Variants in METAP1 observed in about 807,000 individuals in gnomAD.
METAP1 encodes methionine aminopeptidase 1.
METAP1 carries 28 observed loss-of-function variants against 53.8 expected under a neutral mutation model. That is an observed-to-expected ratio of 0.52 (90% CI 0.39 to 0.71). METAP1 has a LOEUF of 0.71. Ranked by LOEUF, METAP1 falls within the 30% of genes least tolerant of loss-of-function variation. METAP1 has a pLI of 0.00. For missense variants in METAP1, 389 were observed against 479.8 expected (o/e 0.81, Z 1.77); for synonymous variants, 181 against 165.7 (o/e 1.09, Z -0.71).
At chr4:99,041,235 A>C (rs2080474738) in intron 6 of METAP1, 109 bp downstream of exon 6, 3 of 643,570 alleles carry the variant, frequency 4.7e-6, no homozygotes, top group Middle Eastern at 4.3e-4. Context: ...ACTTGGGTAA[A>C]CTCATTTGAA....
chr4:99,061,489 A>G lies in METAP1; in HGVS notation c.*172A>G. The G allele has an allele frequency of 5.8e-6, 3 of 520,124 alleles. No individual in the cohort carries two copies. Among genetic ancestry groups the G allele is most frequent in the Non-Finnish European group, 9.6e-6 (3 of 314,078 alleles). 32.2% of individuals were successfully genotyped at this position (520,124 alleles called of 1,614,324 possible). ...CAAGAACTTGTCTTGGGTCTGAAAAAGCTGAGAAGAATAAAGGAAACATTG... is the reference window on the plus strand; with the variant it reads ...CAAGAACTTGTCTTGGGTCTGAAAAGGCTGAGAAGAATAAAGGAAACATTG... On this transcript the variant is annotated 3_prime_UTR_variant, in exon 11 of 11. Coordinates refer to ENST00000296411, the MANE Select transcript of METAP1 (RefSeq NM_015143.3).
chr4:99,049,548 A>G (rs1726530048), intron 9 of METAP1, among the ~76,000 whole-genome samples: 1 of 152,204 alleles, frequency 6.6e-6, no homozygotes, highest in African/African-American at 2.4e-5. Flanking sequence ...ATACAATAAC[A>G]AAGAAAGTGT....
chr4:99,025,620 T>A (rs1724509350), intron 1 of METAP1: 1 of 421,680 alleles, frequency 2.4e-6, no homozygotes, highest in Admixed American at 6.4e-5. Context: ...AAATAAAATT[T>A]GAACTGCCAA....
chr4:99,039,403 G>A lies in METAP1; in HGVS notation c.370G>A (p.Gly124Ser). The A allele has an allele frequency of 6.2e-7, 1 of 1,611,058 alleles. No homozygotes were observed. ...GTCTGAATCTGAACAGGCTCTTAAA[G>A]GTACTTCTCAGATTAAATTACTCTC... ...GMSESEQALKGTSQIKLLSSE... is the reference protein window; with the variant it reads ...GMSESEQALKSTSQIKLLSSE... The change falls in exon 5 of 11, where the codon GGT (glycine) becomes AGT (serine). Residue 124 changes from glycine to serine, a missense_variant. Transcript: ENST00000296411.
chr4:99,027,463 C>T (rs1466274456), intron 1 of METAP1, among the ~76,000 whole-genome samples: 1 of 152,028 alleles, frequency 6.6e-6, no homozygotes, highest in South Asian at 2.1e-4. Context: ...AAAAGTCCTT[C>T]CAGGTGTGTT....
intron 1 of METAP1, among the ~76,000 whole-genome samples, chr4:99,014,760 C>T (rs1054917331): frequency 2.0e-5 from 3 of 152,094 alleles, no homozygotes; most frequent in Non-Finnish European, 2.9e-5. Flanking sequence ...GCAGAGTATC[C>T]AGTAAGTGCC....
chr4:99,016,333 G>A (rs1295444044), intron 1 of METAP1, among the ~76,000 whole-genome samples: 1 of 152,170 alleles, frequency 6.6e-6, no homozygotes, highest in Non-Finnish European at 1.5e-5. Flanking sequence ...CAATAGGGAG[G>A]CATTTGGTCC....
rs1725275848 is a variant in METAP1 at position 99,034,332 on chromosome 4, A to G, written c.269A>G (p.His90Arg). The G allele has an allele frequency of 6.6e-7, 1 of 1,509,204 alleles. No individual in the cohort carries two copies. The highest frequency in any genetic ancestry group is 9.0e-7 in the Non-Finnish European group (1 of 1,108,730). The allele number at this position is 1,509,204 out of a possible 1,614,324, so 93.5% of individuals were successfully genotyped here. ...GYRYTGKLRP[H>R]YPLMPTRPVP... Reference sequence around the variant, plus strand: ...CGATATACTGGTAAACTCAGACCACATTATCCACTGGTGAGTAAATAAGGT... The same window carrying G: ...CGATATACTGGTAAACTCAGACCACGTTATCCACTGGTGAGTAAATAAGGT... The change falls in exon 3 of 11, where the codon CAT (histidine) becomes CGT (arginine). Residue 90 changes from histidine (H) to arginine (R), a missense_variant. By Grantham distance (29) the His-to-Arg change is conservative. Coordinates refer to ENST00000296411, the MANE Select transcript of METAP1 (RefSeq NM_015143.3).
At position 99,016,219 on chromosome 4, in the gene METAP1, G is replaced by A. The variant is rs377286336; in HGVS notation, c.115-12648G>A. 2.6e-5 allele frequency among the ~76,000 whole-genome samples: 4 copies of A among 152,304 alleles called. No individual in the cohort carries two copies. In the East Asian group the frequency reaches 5.8e-4, roughly 22 times the overall value. ...TAAGGAACTGATCTTTGGTTTCAAA[G>A]GTAGGCACATCAGCTGAGGAATGTA... is the stretch of plus-strand genomic sequence containing the variant. On this transcript the variant is annotated intron_variant, in intron 1 of 10. Coordinates refer to ENST00000296411, the MANE Select transcript of METAP1 (RefSeq NM_015143.3).
rs1284754069 is a variant in METAP1, at chr4:99,034,213, A to G, written c.167-17A>G. 1.4e-6 allele frequency: 2 copies of G among 1,447,054 alleles called. No homozygotes were observed. The highest frequency in any genetic ancestry group is 1.2e-5 in the South Asian group (1 of 81,860). 89.6% of individuals were successfully genotyped at this position (1,447,054 alleles called of 1,614,324 possible). On this transcript the variant is annotated splice_polypyrimidine_tract_variant and intron_variant, in intron 2 of 10. Transcript: ENST00000296411. ...CCTTCTCCTCCTTCCTCTCATATCT[A>G]TTCCTCCGTCTCCCAGAAGATGAAA...
intron 9 of METAP1, among the ~76,000 whole-genome samples, chr4:99,054,875 G>C (rs1726982513): frequency 6.6e-6 from 1 of 152,028 alleles, no homozygotes; most frequent in African/African-American, 2.4e-5. Context: ...TCTTTACATG[G>C]GCACAGTTTG....
chr4:99,009,465 T>C (rs971338963), intron 1 of METAP1, among the ~76,000 whole-genome samples: 1 of 152,240 alleles, frequency 6.6e-6, no homozygotes, highest in Non-Finnish European at 1.5e-5. Context: ...GTAGTTGGAT[T>C]GTTCTACAAT....
At chr4:99,032,903 A>G (rs1274407526) in intron 2 of METAP1, among the ~76,000 whole-genome samples, 1 of 152,230 alleles carries the variant, frequency 6.6e-6, no homozygotes, top group African/African-American at 2.4e-5. Flanking sequence ...GGGGAGAAAG[A>G]TATTTTAAAA....
intron 1 of METAP1, chr4:99,023,182 A>G (rs1033218738): frequency 3.6e-6 from 2 of 549,726 alleles, no homozygotes; most frequent in Non-Finnish European, 6.0e-6. Context: ...TAATGACTGC[A>G]TAGATTCATT....
intron 1 of METAP1, among the ~76,000 whole-genome samples, chr4:99,008,164 T>C (rs1313954599): frequency 6.6e-6 from 1 of 152,010 alleles, no homozygotes; most frequent in Non-Finnish European, 1.5e-5. Context: ...GGTGTGAAAA[T>C]CAAATAGAGG....
chr4:99,006,703 T>G (rs1031863780), intron 1 of METAP1, among the ~76,000 whole-genome samples: 13 of 152,330 alleles, frequency 8.5e-5, no homozygotes, highest in Non-Finnish European at 1.8e-4. Flanking sequence ...GCTTTTTTGT[T>G]TGTTTTGCTT....
intron 1 of METAP1, among the ~76,000 whole-genome samples, chr4:98,997,857 T>A (rs879795023): frequency 6.6e-6 from 1 of 152,210 alleles, no homozygotes. Flanking sequence ...TCATTTCTGT[T>A]ACCACCTCCT....
At chr4:99,046,671 G>A (rs1726262566) in intron 8 of METAP1, among the ~76,000 whole-genome samples, 1 of 152,084 alleles carries the variant, frequency 6.6e-6, no homozygotes, top group Non-Finnish European at 1.5e-5. Context: ...GTTCTTTAAT[G>A]TGTATGGGAG....
intron 1 of METAP1, chr4:99,026,162 T>G (rs976106472): frequency 1.1e-6 from 1 of 907,814 alleles, no homozygotes; most frequent in African/African-American, 1.8e-5. Flanking sequence ...ATAAACTTTC[T>G]AAAGTGACTG....
Sources: allele counts gnomAD v4.1 joint callset (sites outside exome capture counted in the v4.1 genomes callset), GRCh38; gene constraint gnomAD v4.1.1; transcripts MANE v1.5; gene names NCBI Gene and HGNC (gene_info 2026-07-23, HGNC 2026-07-21).